The following CAMTA2 variants were observed in gnomAD, a reference collection of about 807,000 sequenced individuals.
CAMTA2 encodes the protein calmodulin-binding transcription activator 2.
Under a neutral mutation model 135.7 loss-of-function variants are expected in CAMTA2, and 56 were observed. That is an observed-to-expected ratio of 0.41 (90% CI 0.33 to 0.52). CAMTA2 has a LOEUF of 0.52. Among genes scored for constraint, CAMTA2 ranks in the 20% least tolerant of loss-of-function variants. The pLI, the probability that CAMTA2 is intolerant of heterozygous loss-of-function variation, is 0.16. For missense variants in CAMTA2, 1,358 were observed against 1,553.4 expected, an observed-to-expected ratio of 0.87 and a Z score of 2.11; for synonymous variants, 591 against 604.6, an observed-to-expected ratio of 0.98 and a Z score of 0.33.
chr17:4,973,978 C>G, intron 12 of CAMTA2: 2 of 579,876 alleles, frequency 3.4e-6, no homozygotes, highest in Non-Finnish European at 6.1e-6. Context: ...CTCACACAAT[C>G]TTGCCCATGT....
Position 4,982,092 on chromosome 17 carries a change from G to A in CAMTA2, c.408C>T (p.Leu136=). 1 of 1,611,892 alleles carries A rather than the reference G, an allele frequency of 6.2e-7. No individual in the cohort carries two copies. Among genetic ancestry groups the A allele is most frequent in the Non-Finnish European group, 8.5e-7 (1 of 1,178,582 alleles). The change falls in exon 6 of 23, where the codon CTC becomes CTT. Residue 136 remains leucine (L), a synonymous_variant. Coordinates refer to ENST00000348066, the MANE Select transcript of CAMTA2 (RefSeq NM_015099.4). ...CCCTGGGCTCTTCCGTCCTTACCTG[G>A]AGCAGCCAGTAGCAGCGCCGATGGA... The part of the protein sequence containing the change: ...PTFHRRCYWL[L]QNPDIVLVHY...
intron 3 of CAMTA2, 38 bp downstream of exon 3, chr17:4,985,842 G>T: frequency 7.4e-7 from 1 of 1,352,086 alleles, no homozygotes; most frequent in Non-Finnish European, 1.1e-6. Flanking sequence ...AGCCTACTAG[G>T]TCTTGCTGGG....
Position 4,973,381 on chromosome 17 carries a change from T to C in CAMTA2, c.2202-128A>G, listed in dbSNP as rs951736583. ...GGTGGGAAGAGGCAGTCAAGGACAC[T>C]AGCTTAAGGAGGTCAAGAAGTCAAA... On this transcript the variant is annotated intron_variant, in intron 13 of 22. Coordinates refer to ENST00000348066, the MANE Select transcript of CAMTA2 (RefSeq NM_015099.4). The C allele has an allele frequency of 5.5e-5, 49 of 883,084 alleles. No individual in the cohort carries two copies. In the Admixed American group the frequency reaches 9.8e-4, roughly 18 times the overall value. 54.7% of individuals were successfully genotyped at this position (883,084 alleles called of 1,614,324 possible).
At chr17:4,971,742 G>A (rs1972300913) in intron 16 of CAMTA2, among the ~76,000 whole-genome samples, 1 of 144,196 alleles carries the variant, frequency 6.9e-6, no homozygotes, top group Admixed American at 7.2e-5. Context: ...AGGCTGGAGT[G>A]CAGTGGTGCA....
At position 4,980,670 on chromosome 17, in the gene CAMTA2, G is replaced by A. The variant is rs760923751; in HGVS notation, c.701-49C>T. The A allele has an allele frequency of 8.6e-6, 12 of 1,401,958 alleles. No homozygotes were observed. The highest frequency in any genetic ancestry group is 1.1e-5 in the Non-Finnish European group (11 of 991,230). 86.8% of individuals were successfully genotyped at this position (1,401,958 alleles called of 1,614,324 possible). On this transcript the variant is annotated intron_variant, in intron 8 of 22. Coordinates refer to ENST00000348066, the MANE Select transcript of CAMTA2 (RefSeq NM_015099.4). The surrounding 1 kb of genome is among the most constrained non-coding windows in gnomAD (Gnocchi z 5.3). ...GAGAGGAGATAAGACACATCATTCC[G>A]CACCTTCTCTACCTTGAGGCCCTTA...
At chr17:4,976,956 TG>T (rs1972652560) in intron 11 of CAMTA2, 101 bp downstream of exon 11, 3 of 1,125,442 alleles carry the variant, frequency 2.7e-6, no homozygotes, top group Non-Finnish European at 3.7e-6. Context: ...AATGGTAAAG[TG>T]GGGGCTCAGT....
chr17:4,969,984 G>C lies in CAMTA2; in HGVS notation c.3107C>G (p.Ala1036Gly), dbSNP rs1354667581. 1 of 1,614,012 alleles carries C rather than the reference G, an allele frequency of 6.2e-7. No individual in the cohort carries two copies. Among genetic ancestry groups the C allele is most frequent in the African/African-American group, 1.3e-5 (1 of 74,912 alleles). The change falls in exon 18 of 23, where the codon GCC (alanine) becomes GGC (glycine). Residue 1036 changes from alanine to glycine, a missense_variant. By Grantham distance (60) the Ala-to-Gly change is moderately conservative. This residue lies in a region of CAMTA2 where 9 missense variants were observed against 27.9 expected (regional missense o/e 0.32). Coordinates refer to ENST00000348066, the MANE Select transcript of CAMTA2 (RefSeq NM_015099.4). This position sits in a 1 kb window ranked among gnomAD's most constrained non-coding sequence, Gnocchi z 5.6. ...STSGKMESDF[A>G]LLTLSDHEQR... Reference sequence around the variant, plus strand: ...CTCGTGATCTGATAGTGTCAGCAGGGCAAAATCACTTTCCATCTTGCCACT... The same window carrying C: ...CTCGTGATCTGATAGTGTCAGCAGGCCAAAATCACTTTCCATCTTGCCACT...
chr17:4,978,721 A>G (rs1446092358), intron 9 of CAMTA2, 91 bp from the exon 10 acceptor site: 1 of 1,436,272 alleles, frequency 7.0e-7, no homozygotes, highest in Admixed American at 1.9e-5. Flanking sequence ...GGTATCTACT[A>G]TATGGCAGGT....
chr17:4,980,136 C>T lies in CAMTA2; in HGVS notation c.1186G>A (p.Val396Ile). The T allele has an allele frequency of 1.3e-6, 2 of 1,596,156 alleles. No homozygotes were observed. Among genetic ancestry groups the T allele is most frequent in the Non-Finnish European group, 1.7e-6 (2 of 1,170,338 alleles). Residue 396 changes from valine (V) to isoleucine (I), a missense_variant, in exon 9 of 23, where the codon GTA (valine) becomes ATA (isoleucine). By Grantham distance (29) the Val-to-Ile change is conservative. Transcript: ENST00000348066. The surrounding 1 kb of genome is among the most constrained non-coding windows in gnomAD (Gnocchi z 5.3). ...TCTGCCTCGGGGAAGTCTGGGCTTACTCCCTGCCCCCCTCCATATGTCTGG... is the reference window on the plus strand; with the variant it reads ...TCTGCCTCGGGGAAGTCTGGGCTTATTCCCTGCCCCCCTCCATATGTCTGG... ...RGQTYGGGQGVSPDFPEAEAA... is the reference protein window; with the variant it reads ...RGQTYGGGQGISPDFPEAEAA...
Position 4,979,927 on chromosome 17 carries a change from G to A in CAMTA2, c.1395C>T (p.Pro465=). The A allele has an allele frequency of 6.2e-7, 1 of 1,612,002 alleles. No individual in the cohort carries two copies. The highest frequency in any genetic ancestry group is 8.5e-7 in the Non-Finnish European group (1 of 1,179,074). The change falls in exon 9 of 23, where the codon CCC becomes CCT. Residue 465 remains proline (P), a synonymous_variant. Transcript: ENST00000348066. ...GHGAAPPIPS[P]PPSPPPSPAP... ...CAGGTGAGGGTGGGGGTGAGGGAGG[G>A]GGTGAAGGTATGGGTGGGGCAGCCC...
rs1213843180 is a variant in CAMTA2 at position 4,980,618 on chromosome 17, G to T, written c.704C>A (p.Ser235Tyr). Residue 235 changes from serine to tyrosine, a missense_variant, in exon 9 of 23, where the codon TCT becomes TAT. Ser to Tyr is a moderately radical substitution (Grantham distance 144). Around this residue, in one of 4 missense-constraint regions of CAMTA2, gnomAD observed 1,077 missense variants for 1,127.5 expected, o/e 0.96. Coordinates refer to ENST00000348066, the MANE Select transcript of CAMTA2 (RefSeq NM_015099.4). This position sits in a 1 kb window ranked among gnomAD's most constrained non-coding sequence, Gnocchi z 5.3. ...HACLCSGGLG[S>Y]GSLTHKCSST... is the part of the protein sequence containing the mutation. ...GCTGCATTTGTGGGTAAGGCTCCCA[G>T]AACCTGGAGTGGAGAGGAGTAGGAG... 3.7e-6 allele frequency: 6 copies of T among 1,613,576 alleles called. No homozygotes were observed. The South Asian group carries it at 4.4e-5, about 12-fold the overall frequency.
chr17:4,968,922 C>T lies in CAMTA2; in HGVS notation c.3530G>A (p.Arg1177Gln), dbSNP rs192180588. 23 of 1,614,026 alleles carry T rather than the reference C, an allele frequency of 1.4e-5. No homozygotes were observed. The Admixed American group carries it at 3.7e-4, about 26-fold the overall frequency. Residue 1177 changes from arginine to glutamine, a missense_variant, in exon 22 of 23, where the codon CGG becomes CAG. Coordinates refer to ENST00000348066, the MANE Select transcript of CAMTA2 (RefSeq NM_015099.4). The stretch of plus-strand genomic sequence containing the variant: ...GGATGAGTACCTGTGTCGGCAGCGC[C>T]GCAGGAATCTCATGATCTTCCGGGC... ...QAARKIMRFL[R>Q]RCRHRMRELK... is the part of the protein sequence containing the mutation.
chr17:4,986,138 C>T (rs373718555), intron 2 of CAMTA2, 54 bp downstream of exon 2: 27 of 1,174,092 alleles, frequency 2.3e-5, no homozygotes, highest in African/African-American at 1.5e-4. Flanking sequence ...GCCACTAAAG[C>T]GTGGGGAGAA....
Position 4,969,021 on chromosome 17 carries a change from C to T in CAMTA2, c.3471-40G>A. ...AAAAGATGGACCTCACAGAAGGCAT[C>T]GCATGCCTTCGGCCCCCCCAGGAAC... On this transcript the variant is annotated intron_variant, in intron 21 of 22. Transcript: ENST00000348066. This position sits in a 1 kb window ranked among gnomAD's most constrained non-coding sequence, Gnocchi z 5.6. The T allele has an allele frequency of 3.1e-6, 5 of 1,591,768 alleles. No homozygotes were observed. Among genetic ancestry groups the T allele is most frequent in the Non-Finnish European group, 4.3e-6 (5 of 1,161,768 alleles).
At chr17:4,972,625 C>A in intron 15 of CAMTA2, 89 bp from the exon 16 acceptor site, 1 of 1,479,038 alleles carries the variant, frequency 6.8e-7, no homozygotes, top group Non-Finnish European at 9.4e-7. Context: ...GTTCTCGGTC[C>A]CCGTCTGTTC....
chr17:4,973,093 T>C, intron 14 of CAMTA2, 82 bp downstream of exon 14: 3 of 1,514,910 alleles, frequency 2.0e-6, no homozygotes, highest in Non-Finnish European at 2.7e-6. Context: ...CCCCACTCCC[T>C]GCATTCCTCA....
rs753762808 is a variant in CAMTA2 at position 4,980,428 on chromosome 17, TGAG to T, written c.891_893del (p.Ser299del). 9.3e-6 allele frequency: 15 copies of T among 1,605,918 alleles called. No homozygotes were observed. Among genetic ancestry groups the T allele is most frequent in the African/African-American group, 2.8e-5 (2 of 71,522 alleles). On this transcript the variant is annotated inframe_deletion, in exon 9 of 23. Coordinates refer to ENST00000348066, the MANE Select transcript of CAMTA2 (RefSeq NM_015099.4). This position sits in a 1 kb window ranked among gnomAD's most constrained non-coding sequence, Gnocchi z 5.3. ...TTTCTAGGGGCTCTGCAAAACCTGA[TGAG>T]GAGGAAGAAGAGGAAGAAGATGGGG...
At position 4,972,857 on chromosome 17, in the gene CAMTA2, A is replaced by G; in HGVS notation, c.2415T>C (p.Leu805=). The change falls in exon 15 of 23, where the codon CTT becomes CTC. Residue 805 remains leucine, a synonymous_variant. Transcript: ENST00000348066. ...SVAHSRGHVR[L]ARCLEELQRQ... is the part of the protein sequence containing the mutation. ...TCTGTAGTTCCTCAAGGCAGCGGGCAAGGCGCACATGACCCCGGGAATGAG... is the reference window on the plus strand; with the variant it reads ...TCTGTAGTTCCTCAAGGCAGCGGGCGAGGCGCACATGACCCCGGGAATGAG... 1 of 1,613,918 alleles carries G rather than the reference A, an allele frequency of 6.2e-7. No individual in the cohort carries two copies. Among genetic ancestry groups the G allele is most frequent in the Non-Finnish European group, 8.5e-7 (1 of 1,180,024 alleles).
At chr17:4,971,486 G>T (rs1415076976) in intron 16 of CAMTA2, among the ~76,000 whole-genome samples, 2 of 152,070 alleles carry the variant, frequency 1.3e-5, no homozygotes, top group Non-Finnish European at 2.9e-5. Flanking sequence ...TACAACTACA[G>T]GTGTGTGCCA....
Sources: allele counts gnomAD v4.1 joint callset (sites outside exome capture counted in the v4.1 genomes callset), GRCh38; gene constraint gnomAD v4.1.1; regional missense constraint gnomAD v4.1.1; non-coding constraint Gnocchi (gnomAD v3.1); transcripts MANE v1.5; gene names NCBI Gene and HGNC (gene_info 2026-07-23, HGNC 2026-07-21).